GABBR2: variants seen among roughly 807,000 people sequenced by gnomAD.
GABBR2 encodes gamma-aminobutyric acid type B receptor subunit 2, also known as G-protein coupled receptor 51.
A neutral mutation model predicts 105.6 loss-of-function variants in GABBR2; 23 were observed. That is an observed-to-expected ratio of 0.22 (90% CI 0.16 to 0.31). The LOEUF is 0.31. Ranked by LOEUF, GABBR2 falls within the 10% of genes least tolerant of loss-of-function variation. The probability of loss-of-function intolerance (pLI) is 1.00; values close to 1 mark genes in which losing one functional copy is unlikely to be tolerated. For missense variants in GABBR2, 734 were observed against 1,245.5 expected (o/e 0.59, Z 6.18); for synonymous variants, 478 against 499.7 (o/e 0.96, Z 0.58).
chr9:98,508,506 T>C (rs1827561255), intron 3 of GABBR2, among the ~76,000 whole-genome samples: 1 of 152,218 alleles, frequency 6.6e-6, no homozygotes, highest in Non-Finnish European at 1.5e-5. Flanking sequence ...GGGAATTCCC[T>C]TTCCTAGTCA....
At chr9:98,320,444 GA>G (rs1486543110) in intron 13 of GABBR2, among the ~76,000 whole-genome samples, 1 of 151,846 alleles carries the variant, frequency 6.6e-6, no homozygotes, top group Non-Finnish European at 1.5e-5. Context: ...TCTAGAACTA[GA>G]AATACCATTT....
At chr9:98,532,733 G>T (rs1249058263) in intron 3 of GABBR2, among the ~76,000 whole-genome samples, 1 of 152,138 alleles carries the variant, frequency 6.6e-6, no homozygotes, top group Non-Finnish European at 1.5e-5. Context: ...CAGAGCCCAA[G>T]TGGTCCTGCT....
intron 17 of GABBR2, among the ~76,000 whole-genome samples, chr9:98,298,700 C>A (rs1172789155): frequency 1.3e-5 from 2 of 152,132 alleles, no homozygotes; most frequent in African/African-American, 4.8e-5. Context: ...CAAAGAGATT[C>A]TCTAGCCTTG....
intron 12 of GABBR2, among the ~76,000 whole-genome samples, chr9:98,365,168 A>C (rs1831654510): frequency 6.6e-6 from 1 of 152,230 alleles, no homozygotes; most frequent in African/African-American, 2.4e-5. Flanking sequence ...GATCTTGAGC[A>C]AGCTGCTTAA....
rs28681601 is a variant in GABBR2, at chr9:98,321,206, C to T, written c.1894-10001G>A. Among the ~76,000 whole-genome samples the T allele has an allele frequency of 2.3e-3, 347 of 152,160 alleles. 1 individual carries two copies. The highest frequency in any genetic ancestry group is 8.0e-3 in the African/African-American group (332 of 41,516). On this transcript the variant is annotated intron_variant, in intron 13 of 18. Transcript: ENST00000259455. Reference sequence around the variant, plus strand: ...CCAGGAGGTCCCAGCTGACGTGGGACAAGAAACTATTCACATGGTCACCCG... The same window carrying T: ...CCAGGAGGTCCCAGCTGACGTGGGATAAGAAACTATTCACATGGTCACCCG...
intron 3 of GABBR2, among the ~76,000 whole-genome samples, chr9:98,513,391 C>A (rs200926569): frequency 0.36 from 54,208 of 151,414 alleles, 9,914 homozygotes; most frequent in Middle Eastern, 0.5. Flanking sequence ...GCAACAAAAG[C>A]CAAAATTGAC....
chr9:98,685,745 T>C (rs559983273), intron 1 of GABBR2, among the ~76,000 whole-genome samples: 1 of 152,256 alleles, frequency 6.6e-6, no homozygotes, highest in East Asian at 1.9e-4. Context: ...CAGGCTGGAG[T>C]GCAATGGCAC....
At chr9:98,471,634 G>A (rs1156500998) in intron 6 of GABBR2, among the ~76,000 whole-genome samples, 1 of 152,176 alleles carries the variant, frequency 6.6e-6, no homozygotes, top group Admixed American at 6.5e-5. Flanking sequence ...CATCCTGACA[G>A]CCTCACAGAT....
chr9:98,297,992 G>T (rs1394560061), intron 17 of GABBR2, among the ~76,000 whole-genome samples: 1 of 146,330 alleles, frequency 6.8e-6, no homozygotes, highest in Admixed American at 6.9e-5. Flanking sequence ...CAGTGAGCTG[G>T]AATCATGCCA....
chr9:98,501,125 G>GCCC (rs5899345), intron 3 of GABBR2, among the ~76,000 whole-genome samples: 2 of 119,252 alleles, frequency 1.7e-5, no homozygotes, highest in South Asian at 3.0e-4. Flanking sequence ...AGGAACCACT[G>GCCC]CCCCCCCCCC....
At chr9:98,434,497 C>T (rs563039568) in intron 7 of GABBR2, among the ~76,000 whole-genome samples, 1 of 152,254 alleles carries the variant, frequency 6.6e-6, no homozygotes, top group African/African-American at 2.4e-5. Flanking sequence ...GTAGCGTTTA[C>T]CCATTACCAT....
At chr9:98,339,337 T>G (rs373993238) in intron 13 of GABBR2, among the ~76,000 whole-genome samples, 7 of 151,234 alleles carry the variant, frequency 4.6e-5, no homozygotes, top group African/African-American at 1.7e-4. Flanking sequence ...TGTCTGCCAG[T>G]CAGCCATGCA....
chr9:98,598,990 C>T (rs1401084960), intron 1 of GABBR2, among the ~76,000 whole-genome samples: 1 of 152,196 alleles, frequency 6.6e-6, no homozygotes, highest in Non-Finnish European at 1.5e-5. Flanking sequence ...AGTAGACCTA[C>T]CTGAAGGCAA....
At chr9:98,514,664 G>A (rs377043357) in intron 3 of GABBR2, among the ~76,000 whole-genome samples, 4 of 107,212 alleles carry the variant, frequency 3.7e-5, no homozygotes, top group African/African-American at 1.4e-4. Context: ...TGGGGGGAGG[G>A]GGGAGGGATA....
intron 1 of GABBR2, among the ~76,000 whole-genome samples, chr9:98,596,544 G>T (rs1829237389): frequency 6.6e-6 from 1 of 152,044 alleles, no homozygotes; most frequent in South Asian, 2.1e-4. Flanking sequence ...TATCCTCAAA[G>T]CCCCCCTCCC....
chr9:98,458,737 T>C (rs1321059156), intron 6 of GABBR2, among the ~76,000 whole-genome samples: 1 of 152,134 alleles, frequency 6.6e-6, no homozygotes, highest in Non-Finnish European at 1.5e-5. Flanking sequence ...AAAGAACAGA[T>C]GCCAGGGATA....
At chr9:98,429,352 G>C (rs1369619850) in intron 7 of GABBR2, among the ~76,000 whole-genome samples, 1 of 152,018 alleles carries the variant, frequency 6.6e-6, no homozygotes, top group South Asian at 2.1e-4. Context: ...TGCTGGCCAG[G>C]CTGGTCTTGG....
At chr9:98,568,790 T>C (rs1199446778) in intron 2 of GABBR2, among the ~76,000 whole-genome samples, 5 of 152,190 alleles carry the variant, frequency 3.3e-5, no homozygotes, top group Admixed American at 6.5e-5. Flanking sequence ...TGTGGGTTCC[T>C]TCTTCCTTCT....
intron 2 of GABBR2, among the ~76,000 whole-genome samples, chr9:98,558,958 C>G (rs1421113723): frequency 6.6e-6 from 1 of 152,138 alleles, no homozygotes; most frequent in Non-Finnish European, 1.5e-5. Context: ...CTTTCACTTA[C>G]TGTTTATTAA....
Sources: gnomAD v4.1 joint callset for allele counts (sites outside exome capture counted in the v4.1 genomes callset) on GRCh38, gnomAD v4.1.1 for gene constraint, MANE v1.5 for transcripts, NCBI Gene and HGNC (gene_info 2026-07-23, HGNC 2026-07-21) for gene names.